The following PTPRC variants were observed in gnomAD, a reference collection of about 807,000 sequenced individuals.
PTPRC encodes the protein protein tyrosine phosphatase receptor type C, also known as receptor-type tyrosine-protein phosphatase C.
PTPRC carries 44 observed loss-of-function variants against 155.9 expected under a neutral mutation model. That is an observed-to-expected ratio of 0.28 (90% CI 0.22 to 0.36). PTPRC has a LOEUF of 0.36. PTPRC is among the 10% of genes least tolerant of loss of function. The probability of loss-of-function intolerance (pLI) is 1.00; values close to 1 mark genes in which losing one functional copy is unlikely to be tolerated. For missense variants in PTPRC, 1,401 were observed against 1,564.6 expected (o/e 0.90, Z 1.76); for synonymous variants, 525 against 533.1 (o/e 0.98, Z 0.21).
Position 198,713,066 on chromosome 1 carries a change from G to A in PTPRC, c.1285G>A (p.Glu429Lys). 6.2e-7 allele frequency: 1 copy of A among 1,613,626 alleles called. No homozygotes were observed. Among genetic ancestry groups the A allele is most frequent in the Non-Finnish European group, 8.5e-7 (1 of 1,179,644 alleles). ...TAATTTTACCCTCTGTTATATAAAA[G>A]AGACAGGTAATTTGTGTAGAATTTA... ...FHNFTLCYIK[E>K]TEKDCLNLDK... The change falls in exon 12 of 33, where the codon GAG becomes AAG. Residue 429 changes from glutamate (E) to lysine (K), a missense_variant. This residue lies in a region of PTPRC where 867 missense variants were observed against 970.4 expected (regional missense o/e 0.89). Transcript: ENST00000442510.
chr1:198,716,908 C>T, intron 13 of PTPRC, 68 bp downstream of exon 13: 1 of 1,431,134 alleles, frequency 7.0e-7, no homozygotes, highest in Non-Finnish European at 9.8e-7. Context: ...TTTTAGCCTA[C>T]AATATTTCTA....
Position 198,748,089 on chromosome 1 carries a change from GTTTTT to G in PTPRC, c.2848-8_2848-4del, listed in dbSNP as rs57296163. ...ATTTACATTTTAAAGGAGTTTTTCTGTTTTTTTTTTTTTTTTCAGAGACTTCCTTC... is the reference window on the plus strand; with the variant it reads ...ATTTACATTTTAAAGGAGTTTTTCTGTTTTTTTTTTTCAGAGACTTCCTTC... On this transcript the variant is annotated splice_polypyrimidine_tract_variant and intron_variant, in intron 26 of 32. Coordinates refer to ENST00000442510, the MANE Select transcript of PTPRC (RefSeq NM_002838.5). 4.1e-6 allele frequency: 6 copies of G among 1,473,638 alleles called. No individual in the cohort carries two copies. Among genetic ancestry groups the G allele is most frequent in the Admixed American group, 2.0e-5 (1 of 48,986 alleles). The allele number at this position is 1,473,638 out of a possible 1,614,324, so 91.3% of individuals were successfully genotyped here.
chr1:198,675,921 C>A (rs969026488), intron 2 of PTPRC, among the ~76,000 whole-genome samples: 2 of 152,016 alleles, frequency 1.3e-5, no homozygotes, highest in Admixed American at 1.3e-4. Context: ...TGTCAAAGAC[C>A]GAAATATCAT....
chr1:198,740,476 G>A (rs1318435747), intron 23 of PTPRC, among the ~76,000 whole-genome samples: 5 of 151,860 alleles, frequency 3.3e-5, no homozygotes. Flanking sequence ...CAGTTACTTG[G>A]GAGACTGAGG....
intron 26 of PTPRC, among the ~76,000 whole-genome samples, chr1:198,747,655 G>A (rs147586884): frequency 2.5e-4 from 38 of 151,856 alleles, no homozygotes; most frequent in African/African-American, 8.9e-4. Context: ...GGAACTGTGG[G>A]TGAGAGGAAA....
intron 2 of PTPRC, among the ~76,000 whole-genome samples, chr1:198,678,190 A>T (rs1218771697): frequency 6.6e-6 from 1 of 152,182 alleles, no homozygotes; most frequent in Admixed American, 6.5e-5. Context: ...TCTTCTATAA[A>T]CTAACTACTG....
intron 15 of PTPRC, among the ~76,000 whole-genome samples, chr1:198,727,699 A>G (rs923095503): frequency 6.6e-6 from 1 of 152,142 alleles, no homozygotes. Context: ...TTTTCACTAC[A>G]TAAGAAAAGG....
intron 2 of PTPRC, among the ~76,000 whole-genome samples, chr1:198,676,497 C>T (rs1003761390): frequency 6.6e-6 from 1 of 152,158 alleles, no homozygotes; most frequent in Non-Finnish European, 1.5e-5. Flanking sequence ...ACTTGCATGG[C>T]TCTGGATTTG....
chr1:198,732,744 CAT>C (rs755017145), intron 20 of PTPRC, among the ~76,000 whole-genome samples, 188 bp downstream of exon 20: 6 of 151,908 alleles, frequency 3.9e-5, no homozygotes, highest in South Asian at 2.1e-4. Context: ...TTAGGTATAA[CAT>C]AGAATTTTCC....
intron 2 of PTPRC, among the ~76,000 whole-genome samples, chr1:198,671,387 T>C (rs533397261): frequency 6.6e-6 from 1 of 152,328 alleles, no homozygotes; most frequent in East Asian, 1.9e-4. Context: ...TCATGAAACA[T>C]GAAACTACCT....
chr1:198,708,002 C>G, intron 9 of PTPRC, 131 bp from the exon 10 acceptor site: 2 of 769,804 alleles, frequency 2.6e-6, no homozygotes, highest in Non-Finnish European at 4.1e-6. Flanking sequence ...CCATAGCAAT[C>G]TCAATCCTTG....
chr1:198,720,273 G>C (rs957049726), intron 14 of PTPRC, among the ~76,000 whole-genome samples: 3 of 152,112 alleles, frequency 2.0e-5, no homozygotes, highest in African/African-American at 7.2e-5. Flanking sequence ...ACACTGATCT[G>C]ATAAAACACA....
intron 5 of PTPRC, among the ~76,000 whole-genome samples, chr1:198,701,090 A>G (rs1049297543): frequency 1.3e-5 from 2 of 152,210 alleles, no homozygotes; most frequent in African/African-American, 4.8e-5. Context: ...TCACTCTTCT[A>G]CATATTCTGC....
At chr1:198,694,725 T>C (rs1332176293) in intron 3 of PTPRC, 5 of 966,684 alleles carry the variant, frequency 5.2e-6, no homozygotes, top group Non-Finnish European at 6.1e-6. Context: ...CCTTCCTCCC[T>C]CCCTTCTTTC....
At chr1:198,755,759 A>G in intron 32 of PTPRC, 147 bp from the exon 33 acceptor site, 1 of 865,384 alleles carries the variant, frequency 1.2e-6, no homozygotes, top group Admixed American at 2.4e-5. Flanking sequence ...AATTATTTAG[A>G]TGTTTTTATG....
intron 23 of PTPRC, among the ~76,000 whole-genome samples, chr1:198,740,878 A>G (rs1001595428): frequency 2.0e-5 from 3 of 151,834 alleles, no homozygotes; most frequent in African/African-American, 4.8e-5. Context: ...AATTTCATTT[A>G]TTGTAGGGCT....
At chr1:198,646,758 T>C (rs1178570480) in intron 2 of PTPRC, among the ~76,000 whole-genome samples, 1 of 151,912 alleles carries the variant, frequency 6.6e-6, no homozygotes, top group Non-Finnish European at 1.5e-5. Flanking sequence ...TTCATTTGTA[T>C]GGTATTCCTC....
At position 198,752,331 on chromosome 1, in the gene PTPRC, C is replaced by T. The variant is rs1184798264; in HGVS notation, c.3290C>T (p.Ser1097Leu). 1 of 1,612,622 alleles carries T rather than the reference C, an allele frequency of 6.2e-7. No individual in the cohort carries two copies. Residue 1097 changes from serine (S) to leucine (L), a missense_variant, in exon 30 of 33, where the codon TCA (serine) becomes TTA (leucine). Around this residue, in one of 3 missense-constraint regions of PTPRC, gnomAD observed 400 missense variants for 389.5 expected, o/e 1.03. Transcript: ENST00000442510. The part of the protein sequence containing the change: ...EVDLKDTDKS[S>L]TYTLRVFELR... The stretch of plus-strand genomic sequence containing the variant: ...GACCTGAAAGACACAGACAAATCTT[C>T]AACTTATACCCTTCGTGTCTTTGAA...
At chr1:198,706,360 G>A (rs918849540) in intron 8 of PTPRC, among the ~76,000 whole-genome samples, 1 of 152,098 alleles carries the variant, frequency 6.6e-6, no homozygotes, top group African/African-American at 2.4e-5. Flanking sequence ...TTTCTCAAAT[G>A]CATCATTTAT....
Sources: allele counts gnomAD v4.1 joint callset (sites outside exome capture counted in the v4.1 genomes callset), GRCh38; gene constraint gnomAD v4.1.1; regional missense constraint gnomAD v4.1.1; transcripts MANE v1.5; gene names NCBI Gene and HGNC (gene_info 2026-07-23, HGNC 2026-07-21).